The following ZNF417 variants were observed in gnomAD, a reference collection of about 807,000 sequenced individuals.
ZNF417 encodes the protein zinc finger protein 417.
In ZNF417, 5 loss-of-function variants were observed where a neutral mutation model predicts 7.4. The ratio of observed to expected loss-of-function variants is 0.68; its 90% CI spans 0.35 to 1.43. ZNF417 has a LOEUF of 1.43. ZNF417 is among the 40% of genes most tolerant of loss of function. The pLI is 0.04. For synonymous variants in ZNF417, 147 were observed against 239.1 expected, an observed-to-expected ratio of 0.61 and a Z score of 3.55; for missense variants, 437 against 697.3, an observed-to-expected ratio of 0.63 and a Z score of 4.20.
Position 57,907,903 on chromosome 19 carries a change from C to T in ZNF417, c.*647G>A, listed in dbSNP as rs2122513675. 1 of 153,038 alleles carries T rather than the reference C, an allele frequency of 6.5e-6. No homozygotes were observed. The highest frequency in any genetic ancestry group is 1.9e-4 in the East Asian group (1 of 5,182). The allele number at this position is 153,038 out of a possible 1,614,324, so 9.5% of individuals were successfully genotyped here. On this transcript the variant is annotated 3_prime_UTR_variant, in exon 3 of 3. Transcript: ENST00000312026. The stretch of plus-strand genomic sequence containing the variant: ...TACCCATGGAGAATGAAGTAAGTAG[C>T]TAGAAGACAAAAGCCTCAGAACACA...
chr19:57,915,329 C>A, intron 1 of ZNF417: 1 of 199,484 alleles, frequency 5.0e-6, no homozygotes, highest in Non-Finnish European at 1.0e-5. Flanking sequence ...TGGCTTCTAG[C>A]GTCCTCACCT....
Position 57,909,114 on chromosome 19 carries a change from A to C in ZNF417, c.1164T>G (p.Ser388=), listed in dbSNP as rs2071867612. 12 of 1,612,558 alleles carry C rather than the reference A, an allele frequency of 7.4e-6. No individual in the cohort carries two copies. The highest frequency in any genetic ancestry group is 9.3e-6 in the Non-Finnish European group (11 of 1,179,572). ...RPYKCGECGK[S]FGQKGNLVQH... ...GAACGAGGTTGCCCTTTTGACCAAA[A>C]GATTTTCCACATTCTCCACACTTGT... is the stretch of plus-strand genomic sequence containing the variant. Residue 388 remains serine (S), a synonymous_variant, in exon 3 of 3, where the codon TCT becomes TCG. Transcript: ENST00000312026.
At chr19:57,913,948 T>C (rs2071921601) in intron 1 of ZNF417, among the ~76,000 whole-genome samples, 1 of 152,196 alleles carries the variant, frequency 6.6e-6, no homozygotes, top group Admixed American at 6.5e-5. Flanking sequence ...ATATTGGATG[T>C]CTCCAGTATC....
rs35069551 is a variant in ZNF417, at chr19:57,905,901, C to A, written c.*2649G>T. On this transcript the variant is annotated 3_prime_UTR_variant, in exon 3 of 3. Transcript: ENST00000312026. Reference sequence around the variant, plus strand: ...AAGTTGTATTAATTCAAGACAAGAGCCTGCAGAGACTAAAATTGCTTAGTA... The same window carrying A: ...AAGTTGTATTAATTCAAGACAAGAGACTGCAGAGACTAAAATTGCTTAGTA... Among the ~76,000 whole-genome samples, 2,407 of 152,278 alleles carry A rather than the reference C, an allele frequency of 0.016. 32 individuals are homozygous for A. The highest frequency in any genetic ancestry group is 0.037 in the Middle Eastern group (11 of 294).
In ZNF417 at chr19:57,907,637, G is replaced by GTGGTTAC. The variant is rs1337062752; in HGVS notation, c.*906_*912dup. ...TGGGACATTTCCCAATTTGGGAACAGTGGTTACTTGCCAAATTCACATTTA... is the reference window on the plus strand; with the variant it reads ...TGGGACATTTCCCAATTTGGGAACAGTGGTTACTGGTTACTTGCCAAATTCACATTTA... On this transcript the variant is annotated 3_prime_UTR_variant, in exon 3 of 3. Transcript: ENST00000312026. The GTGGTTAC allele has an allele frequency of 1.3e-5, 2 of 154,908 alleles. No homozygotes were observed. Among genetic ancestry groups the GTGGTTAC allele is most frequent in the African/African-American group, 4.8e-5 (2 of 41,530 alleles). 9.6% of individuals were successfully genotyped at this position (154,908 alleles called of 1,614,324 possible).
chr19:57,910,981 G>A lies in ZNF417; in HGVS notation c.164-867C>T, dbSNP rs541022357. 2.0e-5 allele frequency among the ~76,000 whole-genome samples: 3 copies of A among 152,340 alleles called. No individual in the cohort carries two copies. The East Asian group carries it at 5.8e-4, about 29-fold the overall frequency. Reference sequence around the variant, plus strand: ...AATCACTTCAACCTGGGAAGCAGAGGTTGCAATGAGCCAAGATTGTGCCAT... The same window carrying A: ...AATCACTTCAACCTGGGAAGCAGAGATTGCAATGAGCCAAGATTGTGCCAT... On this transcript the variant is annotated intron_variant, in intron 2 of 2. Coordinates refer to ENST00000312026, the MANE Select transcript of ZNF417 (RefSeq NM_152475.3).
intron 1 of ZNF417, among the ~76,000 whole-genome samples, chr19:57,913,802 C>G (rs548442595): frequency 5.3e-5 from 8 of 152,196 alleles, no homozygotes; most frequent in Admixed American, 2.6e-4. Flanking sequence ...CACTCAGGGA[C>G]GTAAGTAAGA....
chr19:57,916,300 A>C (rs371691404), intron 1 of ZNF417, 79 bp downstream of exon 1: 13 of 1,611,660 alleles, frequency 8.1e-6, no homozygotes, highest in African/African-American at 5.3e-5. Flanking sequence ...CAGACCCGTG[A>C]GCAGGAGCCG....
chr19:57,911,523 G>A (rs1400846899), intron 2 of ZNF417, among the ~76,000 whole-genome samples: 2 of 152,248 alleles, frequency 1.3e-5, no homozygotes, highest in African/African-American at 4.8e-5. Context: ...AGGACCCGAC[G>A]ATGTAACTAT....
chr19:57,908,160 C>T lies in ZNF417; in HGVS notation c.*390G>A. 2 of 244,546 alleles carry T rather than the reference C, an allele frequency of 8.2e-6. 1 individual carries two copies. The highest frequency in any genetic ancestry group is 1.3e-4 in the South Asian group (2 of 15,526). The allele number at this position is 244,546 out of a possible 1,614,324, so 15.1% of individuals were successfully genotyped here. ...GTGACATCTTAACTGTTTCACTGCC[C>T]AGCAATCTATACGTATTGTCACTTG... On this transcript the variant is annotated 3_prime_UTR_variant, in exon 3 of 3. Transcript: ENST00000312026.
intron 1 of ZNF417, 78 bp from the exon 2 acceptor site, chr19:57,912,267 T>C (rs2071905919): frequency 6.3e-7 from 1 of 1,586,566 alleles, no homozygotes; most frequent in Non-Finnish European, 8.6e-7. Flanking sequence ...ACACCCACAC[T>C]TGCCCATCCT....
intron 1 of ZNF417, 101 bp downstream of exon 1, chr19:57,916,278 G>A (rs2071946932): frequency 1.9e-6 from 3 of 1,603,914 alleles, no homozygotes; most frequent in South Asian, 1.1e-5. Flanking sequence ...TTCCTACGCC[G>A]GGTACCGGCT....
rs1030678799 is a variant in ZNF417 at position 57,915,873 on chromosome 19, T to C, written c.33+506A>G. On this transcript the variant is annotated intron_variant, in intron 1 of 2. Coordinates refer to ENST00000312026, the MANE Select transcript of ZNF417 (RefSeq NM_152475.3). ...TAAAACCTAAGATCAGTGCTTGAGG[T>C]ATTTTGCAGATCCTGCACTGGATGG... Among the ~76,000 whole-genome samples the C allele has an allele frequency of 5.3e-5, 8 of 152,168 alleles. No individual in the cohort carries two copies. The East Asian group carries it at 1.4e-3, about 26-fold the overall frequency.
chr19:57,916,566 C>T lies in ZNF417; in HGVS notation c.-155G>A. 6.7e-7 allele frequency: 1 copy of T among 1,492,688 alleles called. No individual in the cohort carries two copies. Among genetic ancestry groups the T allele is most frequent in the Non-Finnish European group, 8.9e-7 (1 of 1,123,158 alleles). 92.5% of individuals were successfully genotyped at this position (1,492,688 alleles called of 1,614,324 possible). On this transcript the variant is annotated 5_prime_UTR_variant, in exon 1 of 3. Coordinates refer to ENST00000312026, the MANE Select transcript of ZNF417 (RefSeq NM_152475.3). ...CAGGGGCCACAAACTGGGGAAACAC[C>T]CGCGTCACCGATACACAGCCGCTAC...
At position 57,915,179 on chromosome 19, in the gene ZNF417, A is replaced by G. The variant is rs148758448; in HGVS notation, c.33+1200T>C. On this transcript the variant is annotated intron_variant, in intron 1 of 2. Coordinates refer to ENST00000312026, the MANE Select transcript of ZNF417 (RefSeq NM_152475.3). ...GTGCAAAATGTCATCTCTACCACCT[A>G]TGTGAGCTACAAAAAGGATTCAACC... Among the ~76,000 whole-genome samples the G allele has an allele frequency of 6.1e-3, 931 of 152,216 alleles. 7 individuals carry two copies. Among genetic ancestry groups the G allele is most frequent in the African/African-American group, 0.021 (880 of 41,522 alleles).
At chr19:57,911,323 T>G (rs2122529665) in intron 2 of ZNF417, among the ~76,000 whole-genome samples, 1 of 152,336 alleles carries the variant, frequency 6.6e-6, no homozygotes, top group East Asian at 1.9e-4. Context: ...GTGTGCCTAC[T>G]CATATTGCCA....
rs534692153 is a variant in ZNF417, at chr19:57,906,021, A to G, written c.*2529T>C. Among the ~76,000 whole-genome samples the G allele has an allele frequency of 6.6e-6, 1 of 152,156 alleles. No individual in the cohort carries two copies. The highest frequency in any genetic ancestry group is 1.5e-5 in the Non-Finnish European group (1 of 68,032). ...TGCTCTTTTGCCCAGGCTAGAGTGC[A>G]GTGGTACCATCTCAGCTGATTGCAA... is the stretch of plus-strand genomic sequence containing the variant. On this transcript the variant is annotated 3_prime_UTR_variant, in exon 3 of 3. Coordinates refer to ENST00000312026, the MANE Select transcript of ZNF417 (RefSeq NM_152475.3).
rs1330408123 is a variant in ZNF417 at position 57,909,318 on chromosome 19, T to C, written c.960A>G (p.Gly320=). Residue 320 remains glycine (G), a synonymous_variant, in exon 3 of 3, where the codon GGA becomes GGG. Transcript: ENST00000312026. ...ATTCTCTACACTCATAAGGCCTTTC[T>C]CCAGTGTGAACACGCTGATGGCTAA... ...SLISHQRVHT[G]ERPYECREYG... The C allele has an allele frequency of 3.7e-6, 6 of 1,613,990 alleles. No individual in the cohort carries two copies. The highest frequency in any genetic ancestry group is 5.1e-6 in the Non-Finnish European group (6 of 1,179,938).
chr19:57,915,697 A>G (rs990587098), intron 1 of ZNF417: 6 of 399,366 alleles, frequency 1.5e-5, no homozygotes, highest in African/African-American at 1.2e-4. Flanking sequence ...CCCTTTCCTG[A>G]AAAGACCCCC....
Sources: allele counts gnomAD v4.1 joint callset (sites outside exome capture counted in the v4.1 genomes callset), GRCh38; gene constraint gnomAD v4.1.1; transcripts MANE v1.5; gene names NCBI Gene and HGNC (gene_info 2026-07-23, HGNC 2026-07-21).